The following PRDM16 variants were observed in gnomAD, a reference collection of about 807,000 sequenced individuals.
PRDM16 encodes histone-lysine N-methyltransferase PRDM16.
In PRDM16, 23 loss-of-function variants were observed where a neutral mutation model predicts 110.6. That is an observed-to-expected ratio of 0.21 (90% confidence interval 0.15 to 0.29). The LOEUF (loss-of-function observed/expected upper bound fraction) is 0.29. PRDM16 is among the 10% of genes least tolerant of loss of function. PRDM16 has a pLI of 1.00. For missense variants in PRDM16, 1,615 were observed against 1,794.3 expected (o/e 0.90, Z 1.81); for synonymous variants, 799 against 781.8 (o/e 1.02, Z -0.37).
intron 3 of PRDM16, among the ~76,000 whole-genome samples, chr1:3,271,010 C>T (rs1282117665): frequency 6.6e-6 from 1 of 152,142 alleles, no homozygotes; most frequent in African/African-American, 2.4e-5. Flanking sequence ...TCTGCCAGGG[C>T]CTCCCAGAGG....
intron 1 of PRDM16, among the ~76,000 whole-genome samples, chr1:3,117,508 C>T (rs959373216): frequency 6.6e-6 from 1 of 152,122 alleles, no homozygotes; most frequent in East Asian, 1.9e-4. Flanking sequence ...CATCGCCATG[C>T]CACCTCACCT....
At chr1:3,196,874 C>T (rs1422262571) in intron 2 of PRDM16, among the ~76,000 whole-genome samples, 1 of 152,222 alleles carries the variant, frequency 6.6e-6, no homozygotes, top group Non-Finnish European at 1.5e-5. Flanking sequence ...CAGAGCCTTT[C>T]CTGACCACAG....
rs74050839 is a variant in PRDM16 at position 3,295,670 on chromosome 1, C to T, written c.438+51533C>T. Reference sequence around the variant, plus strand: ...GCCAGGCTCTGAGGCCTGCACACCACGCTCGCCCACAGTGGGCTTTGTTTA... The same window carrying T: ...GCCAGGCTCTGAGGCCTGCACACCATGCTCGCCCACAGTGGGCTTTGTTTA... On this transcript the variant is annotated intron_variant, in intron 3 of 16. Transcript: ENST00000270722. 6.1e-3 allele frequency among the ~76,000 whole-genome samples: 936 copies of T among 152,334 alleles called. 9 individuals carry two copies. The highest frequency in any genetic ancestry group is 0.021 in the African/African-American group (891 of 41,574).
At chr1:3,126,183 C>G (rs1010029571) in intron 1 of PRDM16, among the ~76,000 whole-genome samples, 2 of 152,238 alleles carry the variant, frequency 1.3e-5, no homozygotes, top group African/African-American at 4.8e-5. Flanking sequence ...GCTGGCCGCT[C>G]TTCCCGGCCC....
chr1:3,139,584 A>G (rs146083554), intron 1 of PRDM16, among the ~76,000 whole-genome samples: 30 of 152,338 alleles, frequency 2.0e-4, no homozygotes, highest in African/African-American at 6.5e-4. Flanking sequence ...CATGAATGCC[A>G]TCGCGAATAA....
intron 3 of PRDM16, among the ~76,000 whole-genome samples, chr1:3,275,054 A>G (rs1640551652): frequency 6.6e-6 from 1 of 152,214 alleles, no homozygotes; most frequent in Non-Finnish European, 1.5e-5. Context: ...AGGAGCACGG[A>G]TCTGGCTGGC....
intron 2 of PRDM16, among the ~76,000 whole-genome samples, chr1:3,226,864 C>T (rs796894104): frequency 2.2e-4 from 33 of 152,190 alleles, no homozygotes; most frequent in African/African-American, 7.5e-4. Context: ...TACAGTGCTC[C>T]GCGCTAATCA....
chr1:3,356,913 G>A (rs559869410), intron 3 of PRDM16, among the ~76,000 whole-genome samples: 26 of 152,298 alleles, frequency 1.7e-4, no homozygotes, highest in South Asian at 4.1e-4. Flanking sequence ...CGGGAGGGCC[G>A]AGTCTCCTGA....
intron 2 of PRDM16, among the ~76,000 whole-genome samples, chr1:3,228,619 C>T (rs369706001): frequency 5.3e-5 from 8 of 152,326 alleles, no homozygotes; most frequent in African/African-American, 1.9e-4. Context: ...GACAACGTTG[C>T]AGCTGCCCCA....
intron 2 of PRDM16, among the ~76,000 whole-genome samples, chr1:3,217,654 C>T (rs1306941901): frequency 6.6e-6 from 1 of 152,208 alleles, no homozygotes; most frequent in African/African-American, 2.4e-5. Flanking sequence ...TGTCCAGAAG[C>T]AGCGTTTTCA....
chr1:3,096,596 G>T (rs1642405644), intron 1 of PRDM16, among the ~76,000 whole-genome samples: 1 of 152,148 alleles, frequency 6.6e-6, no homozygotes, highest in Non-Finnish European at 1.5e-5. Context: ...CTCCCTCAGT[G>T]CCTTGCCGCC....
chr1:3,235,096 T>C (rs866241562), intron 2 of PRDM16, among the ~76,000 whole-genome samples: 3 of 152,334 alleles, frequency 2.0e-5, no homozygotes, highest in Middle Eastern at 3.4e-3. Context: ...TCGGCTCCAC[T>C]GGCGTCCCAG....
chr1:3,198,829 T>C (rs1004402740), intron 2 of PRDM16, among the ~76,000 whole-genome samples: 4 of 152,144 alleles, frequency 2.6e-5, no homozygotes, highest in African/African-American at 9.7e-5. Context: ...GTACATCCCA[T>C]TGTGTCGTCT....
intron 4 of PRDM16, chr1:3,394,376 C>G (rs539176391): frequency 4.5e-6 from 2 of 441,708 alleles, no homozygotes; most frequent in African/African-American, 2.0e-5. Context: ...GCCCAGCCCC[C>G]GTCCGCCCAC....
chr1:3,122,718 A>G (rs1643121053), intron 1 of PRDM16, among the ~76,000 whole-genome samples: 1 of 152,140 alleles, frequency 6.6e-6, no homozygotes, highest in African/African-American at 2.4e-5. Context: ...CCAGGAAAGG[A>G]AATCAAATTT....
intron 2 of PRDM16, among the ~76,000 whole-genome samples, chr1:3,210,775 T>C (rs1638865053): frequency 6.6e-6 from 1 of 152,386 alleles, no homozygotes; most frequent in African/African-American, 2.4e-5. Flanking sequence ...TATCCATTCA[T>C]AGATATGCAT....
chr1:3,232,287 G>C (rs1393681056), intron 2 of PRDM16, among the ~76,000 whole-genome samples: 1 of 152,232 alleles, frequency 6.6e-6, no homozygotes, highest in Admixed American at 6.5e-5. Flanking sequence ...CACGGCCTGA[G>C]TTTGAATCCC....
At chr1:3,348,759 C>T (rs1036571453) in intron 3 of PRDM16, among the ~76,000 whole-genome samples, 19 of 152,326 alleles carry the variant, frequency 1.2e-4, no homozygotes, top group Admixed American at 2.6e-4. Flanking sequence ...GGACCGGGGC[C>T]GCAGTGAGCC....
intron 3 of PRDM16, among the ~76,000 whole-genome samples, chr1:3,363,215 C>T (rs1038145216): frequency 1.3e-5 from 2 of 152,180 alleles, no homozygotes; most frequent in East Asian, 1.9e-4. Flanking sequence ...TCGGGGCCCG[C>T]GACAGTGTGA....
Sources: gnomAD v4.1 joint callset for allele counts (sites outside exome capture counted in the v4.1 genomes callset) on GRCh38, gnomAD v4.1.1 for gene constraint, MANE v1.5 for transcripts, NCBI Gene and HGNC (gene_info 2026-07-23, HGNC 2026-07-21) for gene names.